Variants in COX7B2 observed in about 807,000 individuals in gnomAD.
COX7B2 encodes cytochrome c oxidase subunit 7B2, also known as cytochrome c oxidase subunit 7B2, mitochondrial.
For missense variants in COX7B2, 109 were observed against 95.9 expected (o/e 1.14, Z -0.57); for synonymous variants, 37 against 32.1 (o/e 1.15, Z -0.51).
intron 2 of COX7B2, among the ~76,000 whole-genome samples, chr4:46,743,474 A>T (rs551463914): frequency 5.7e-4 from 87 of 152,354 alleles, no homozygotes; most frequent in African/African-American, 2.0e-3. Context: ...CAGTGGCTGA[A>T]ATACATAGTC....
At chr4:46,884,706 T>A (rs892169462) in intron 1 of COX7B2, among the ~76,000 whole-genome samples, 1 of 152,238 alleles carries the variant, frequency 6.6e-6, no homozygotes, top group Admixed American at 6.5e-5. Flanking sequence ...TGCTCTGTTT[T>A]GGAAGTGTTT....
At chr4:46,900,451 G>A (rs557180781) in intron 1 of COX7B2, among the ~76,000 whole-genome samples, 94 of 152,212 alleles carry the variant, frequency 6.2e-4, no homozygotes, top group African/African-American at 1.9e-3. Context: ...TAGAACAACT[G>A]ACCTGGCTCT....
intron 1 of COX7B2, among the ~76,000 whole-genome samples, chr4:46,859,591 C>G (rs1260041370): frequency 6.6e-6 from 1 of 152,132 alleles, no homozygotes; most frequent in Non-Finnish European, 1.5e-5. Context: ...TCCTCTATAT[C>G]TTTATCTGAA....
chr4:46,840,049 A>G (rs1164264062), intron 2 of COX7B2, among the ~76,000 whole-genome samples: 2 of 152,014 alleles, frequency 1.3e-5, no homozygotes, highest in Non-Finnish European at 2.9e-5. Context: ...TTAGTAGTGA[A>G]AAATCCAAAG....
At chr4:46,804,933 G>T (rs553438628) in intron 2 of COX7B2, among the ~76,000 whole-genome samples, 3 of 152,188 alleles carry the variant, frequency 2.0e-5, no homozygotes, top group Admixed American at 6.5e-5. Context: ...GCCAGGGTAG[G>T]GGGGGCGGTG....
intron 2 of COX7B2, among the ~76,000 whole-genome samples, chr4:46,799,544 T>C (rs1209136547): frequency 6.6e-6 from 1 of 152,210 alleles, no homozygotes; most frequent in Admixed American, 6.5e-5. Context: ...ATAACTAGTT[T>C]GTTGAGAGTT....
intron 2 of COX7B2, among the ~76,000 whole-genome samples, chr4:46,771,439 A>G (rs536032984): frequency 1.3e-5 from 2 of 152,280 alleles, no homozygotes; most frequent in South Asian, 4.1e-4. Context: ...TAACCACCAC[A>G]TGATCCAACA....
At chr4:46,842,374 A>G (rs925500365) in intron 2 of COX7B2, among the ~76,000 whole-genome samples, 1 of 151,976 alleles carries the variant, frequency 6.6e-6, no homozygotes, top group Non-Finnish European at 1.5e-5. Flanking sequence ...TTAAATGCAT[A>G]GCACAGTGGT....
intron 2 of COX7B2, among the ~76,000 whole-genome samples, chr4:46,783,487 G>A (rs1717591303): frequency 6.6e-6 from 1 of 152,150 alleles, no homozygotes; most frequent in Admixed American, 6.5e-5. Context: ...ATTAATACAT[G>A]TATTACACTT....
chr4:46,885,900 C>T (rs1719055532), intron 1 of COX7B2, among the ~76,000 whole-genome samples: 1 of 152,054 alleles, frequency 6.6e-6, no homozygotes, highest in Non-Finnish European at 1.5e-5. Flanking sequence ...GAGGCTTTTC[C>T]AAAACTGAGT....
chr4:46,741,068 A>G (rs1714675633), intron 2 of COX7B2, among the ~76,000 whole-genome samples: 2 of 152,104 alleles, frequency 1.3e-5, no homozygotes, highest in Admixed American at 1.3e-4. Context: ...ATCCAAAAAC[A>G]AAATAATAAC....
intron 2 of COX7B2, 75 bp from the exon 3 acceptor site, chr4:46,735,316 T>C: frequency 8.1e-6 from 9 of 1,114,058 alleles, no homozygotes; most frequent in Non-Finnish European, 1.2e-5. Flanking sequence ...TCTGGCTACA[T>C]CACCCCTTGG....
At chr4:46,797,352 G>A (rs1208403811) in intron 2 of COX7B2, among the ~76,000 whole-genome samples, 1 of 152,068 alleles carries the variant, frequency 6.6e-6, no homozygotes, top group African/African-American at 2.4e-5. Context: ...GTCAAAGGAG[G>A]GATTTATGAA....
rs1016161609 is a variant in COX7B2, at chr4:46,908,011, G to A, written c.-105+1149C>T. Among the ~76,000 whole-genome samples, 19 of 151,824 alleles carry A rather than the reference G, an allele frequency of 1.3e-4. 1 individual carries two copies. Among genetic ancestry groups the A allele is most frequent in the Admixed American group, 1.1e-3 (17 of 15,252 alleles). Reference sequence around the variant, plus strand: ...TGGGACTACAGGCGCGTGCGACCACGCCTGGCTAATTTTTGTATTTTTAGT... The same window carrying A: ...TGGGACTACAGGCGCGTGCGACCACACCTGGCTAATTTTTGTATTTTTAGT... On this transcript the variant is annotated intron_variant, in intron 1 of 2. Transcript: ENST00000355591.
At chr4:46,892,252 C>A (rs1434948578) in intron 1 of COX7B2, among the ~76,000 whole-genome samples, 2 of 152,276 alleles carry the variant, frequency 1.3e-5, no homozygotes, top group East Asian at 3.9e-4. Context: ...AGCAATATTA[C>A]ACTAATTGTT....
chr4:46,831,771 G>A (rs188517832), intron 2 of COX7B2, among the ~76,000 whole-genome samples: 15 of 152,236 alleles, frequency 9.9e-5, no homozygotes, highest in Middle Eastern at 3.4e-3. Context: ...GCACCAATCA[G>A]CACTCTGTGT....
At chr4:46,779,694 C>A (rs558818786) in intron 2 of COX7B2, among the ~76,000 whole-genome samples, 264 of 152,046 alleles carry the variant, frequency 1.7e-3, no homozygotes, top group African/African-American at 6.2e-3. Flanking sequence ...CACTCGCTAT[C>A]TCTTGTCTTT....
At chr4:46,830,974 G>A (rs1246395036) in intron 2 of COX7B2, among the ~76,000 whole-genome samples, 2 of 152,216 alleles carry the variant, frequency 1.3e-5, no homozygotes, top group African/African-American at 4.8e-5. Context: ...ACACTGCACT[G>A]TGGGAGCCCC....
chr4:46,861,373 CA>C (rs1717324682), intron 1 of COX7B2, among the ~76,000 whole-genome samples: 1 of 152,086 alleles, frequency 6.6e-6, no homozygotes, highest in Non-Finnish European at 1.5e-5. Context: ...GGTGGGAATG[CA>C]AAAGAGAAAA....
Sources: gnomAD v4.1 joint callset for allele counts (sites outside exome capture counted in the v4.1 genomes callset) on GRCh38, gnomAD v4.1.1 for gene constraint, MANE v1.5 for transcripts, NCBI Gene and HGNC (gene_info 2026-07-23, HGNC 2026-07-21) for gene names.